PACS1: variants seen among roughly 807,000 people sequenced by gnomAD.
The protein encoded by PACS1 is PACS-1.
A neutral mutation model predicts 115.0 loss-of-function variants in PACS1; 24 were observed. The observed-to-expected ratio is 0.21, with a 90% CI of 0.15 to 0.29. The LOEUF (loss-of-function observed/expected upper bound fraction) is 0.29, where lower values mean the gene tolerates loss of function less well. PACS1 is among the 10% of genes least tolerant of loss of function. PACS1 has a pLI of 1.00. For synonymous variants in PACS1, 453 were observed against 504.5 expected, an observed-to-expected ratio of 0.90 and a Z score of 1.37; for missense variants, 838 against 1,251.2, an observed-to-expected ratio of 0.67 and a Z score of 4.98.
chr11:66,219,470 G>A, intron 7 of PACS1: 1 of 582,654 alleles, frequency 1.7e-6, no homozygotes, highest in South Asian at 1.7e-5. Flanking sequence ...GGGATGAGCT[G>A]GAGACCCACA....
At chr11:66,133,220 G>T (rs138528667) in intron 1 of PACS1, among the ~76,000 whole-genome samples, 6 of 152,284 alleles carry the variant, frequency 3.9e-5, no homozygotes, top group African/African-American at 1.4e-4. Context: ...TCTTCGTATA[G>T]CCATTATTAC....
chr11:66,166,646 TC>T (rs1322335364), intron 1 of PACS1, among the ~76,000 whole-genome samples: 8 of 150,738 alleles, frequency 5.3e-5, no homozygotes, highest in Non-Finnish European at 1.0e-4. Flanking sequence ...TAGGTAGTCT[TC>T]TGCAGCTTAA....
rs71461612 is a variant in PACS1 at position 66,223,054 on chromosome 11, CAAAAAAAA to C, written c.1293+1824_1293+1831del. ...CAAGAACTGAGGAGACCTCGATTTA[CAAAAAAAA>C]AAAAAAAAAAAAAAAACTCTTTCTA... On this transcript the variant is annotated intron_variant, in intron 10 of 23. Coordinates refer to ENST00000320580, the MANE Select transcript of PACS1 (RefSeq NM_018026.4). Among the ~76,000 whole-genome samples the C allele has an allele frequency of 5.1e-4, 38 of 74,972 alleles. 1 individual carries two copies. The highest frequency in any genetic ancestry group is 4.6e-3 in the East Asian group (13 of 2,836). 49.2% of individuals were successfully genotyped at this position (74,972 alleles called of 152,430 possible).
chr11:66,239,348 C>T lies in PACS1; in HGVS notation c.2429+71C>T. 5.8e-6 allele frequency: 9 copies of T among 1,542,416 alleles called. No homozygotes were observed. The Admixed American group carries it at 7.7e-5, about 13-fold the overall frequency. ...CCACCCGGCTGATTCCAGTGACAGG[C>T]GCATGGGCTTAGAAGGTAGCCACAG... On this transcript the variant is annotated intron_variant, in intron 21 of 23. Transcript: ENST00000320580.
intron 1 of PACS1, among the ~76,000 whole-genome samples, chr11:66,181,406 A>C (rs1192487381): frequency 2.7e-5 from 4 of 150,404 alleles, no homozygotes; most frequent in Non-Finnish European, 5.9e-5. Context: ...TAGAGACGGG[A>C]TTTCACCATG....
chr11:66,237,664 A>G (rs1855731492), intron 19 of PACS1, among the ~76,000 whole-genome samples: 1 of 152,222 alleles, frequency 6.6e-6, no homozygotes. Flanking sequence ...GGTTTGACAC[A>G]TCTTCGTGGA....
intron 1 of PACS1, among the ~76,000 whole-genome samples, chr11:66,106,293 C>T (rs1459799820): frequency 6.6e-6 from 1 of 152,088 alleles, no homozygotes; most frequent in Non-Finnish European, 1.5e-5. Flanking sequence ...CAAAAATGGC[C>T]GAGTGCAGTG....
At chr11:66,188,160 T>C (rs983213916) in intron 1 of PACS1, among the ~76,000 whole-genome samples, 1 of 83,200 alleles carries the variant, frequency 1.2e-5, no homozygotes, top group African/African-American at 5.9e-5. Flanking sequence ...TTTAATCGGA[T>C]TTTTTTTTTT....
At position 66,211,773 on chromosome 11, in the gene PACS1, C is replaced by T. The variant is rs965140518; in HGVS notation, c.660+514C>T. Among the ~76,000 whole-genome samples, 10 of 152,182 alleles carry T rather than the reference C, an allele frequency of 6.6e-5. 1 individual carries two copies. The highest frequency in any genetic ancestry group is 2.6e-4 in the Admixed American group (4 of 15,276). On this transcript the variant is annotated intron_variant, in intron 4 of 23. Transcript: ENST00000320580. ...GACACTAACGTTGAGATAAGATTGC[C>T]GTCTAACCCACAGTCCCTATTCGGA...
chr11:66,211,963 T>G (rs994836681), intron 4 of PACS1, among the ~76,000 whole-genome samples: 4 of 152,102 alleles, frequency 2.6e-5, no homozygotes, highest in Non-Finnish European at 4.4e-5. Context: ...CTGGTTACTT[T>G]TTTGAATACT....
At chr11:66,191,989 C>G (rs1276918233) in intron 1 of PACS1, among the ~76,000 whole-genome samples, 1 of 151,736 alleles carries the variant, frequency 6.6e-6, no homozygotes, top group Non-Finnish European at 1.5e-5. Flanking sequence ...TGCCACTGCA[C>G]TCCAGCCTGG....
At position 66,078,969 on chromosome 11, in the gene PACS1, G is replaced by A. The variant is rs143272083; in HGVS notation, c.356+8127G>A. Among the ~76,000 whole-genome samples, 280 of 152,160 alleles carry A rather than the reference G, an allele frequency of 1.8e-3. 1 individual carries two copies. The East Asian group carries it at 0.027, about 15-fold the overall frequency. Reference sequence around the variant, plus strand: ...CTTGCCCAGGCTGGAGTGCAGTGGCGCTATCTTGGCTCACTGCAACCTCTG... The same window carrying A: ...CTTGCCCAGGCTGGAGTGCAGTGGCACTATCTTGGCTCACTGCAACCTCTG... On this transcript the variant is annotated intron_variant, in intron 1 of 23. Coordinates refer to ENST00000320580, the MANE Select transcript of PACS1 (RefSeq NM_018026.4).
chr11:66,112,911 A>C (rs1858220449), intron 1 of PACS1, among the ~76,000 whole-genome samples: 1 of 152,242 alleles, frequency 6.6e-6, no homozygotes, highest in Non-Finnish European at 1.5e-5. Context: ...ATATGGATGA[A>C]TCTTGAAAGC....
At chr11:66,184,110 T>C (rs1860066023) in intron 1 of PACS1, among the ~76,000 whole-genome samples, 1 of 152,072 alleles carries the variant, frequency 6.6e-6, no homozygotes, top group Non-Finnish European at 1.5e-5. Flanking sequence ...TTCCCCTTTT[T>C]CTGTGCAAAA....
intron 11 of PACS1, among the ~76,000 whole-genome samples, chr11:66,228,122 A>G (rs1855503364): frequency 6.7e-6 from 1 of 150,240 alleles, no homozygotes; most frequent in Non-Finnish European, 1.5e-5. Context: ...AGATGCAAAC[A>G]TGAGTGAGCC....
chr11:66,142,020 G>A (rs1008139413), intron 1 of PACS1, among the ~76,000 whole-genome samples: 4 of 151,872 alleles, frequency 2.6e-5, no homozygotes, highest in African/African-American at 7.3e-5. Context: ...TTGGCCTCTG[G>A]GCTGGTCTCA....
intron 21 of PACS1, among the ~76,000 whole-genome samples, chr11:66,240,202 A>G (rs974436706): frequency 6.6e-6 from 1 of 152,214 alleles, no homozygotes; most frequent in Admixed American, 6.5e-5. Context: ...GCTCGGGTTC[A>G]GGCTGAATCT....
chr11:66,115,343 C>T (rs1858282175), intron 1 of PACS1, among the ~76,000 whole-genome samples: 1 of 151,888 alleles, frequency 6.6e-6, no homozygotes, highest in South Asian at 2.1e-4. Flanking sequence ...TGTTTTTTCT[C>T]TCTCCCTTTT....
chr11:66,192,716 T>C (rs570759164), intron 1 of PACS1, among the ~76,000 whole-genome samples: 2 of 152,272 alleles, frequency 1.3e-5, no homozygotes, highest in African/African-American at 4.8e-5. Context: ...CAGGCAGCCA[T>C]AGAAAGGCAG....
Sources: gnomAD v4.1 joint callset for allele counts (sites outside exome capture counted in the v4.1 genomes callset) on GRCh38, gnomAD v4.1.1 for gene constraint, MANE v1.5 for transcripts, NCBI Gene and HGNC (gene_info 2026-07-23, HGNC 2026-07-21) for gene names.